TMEM217: variants seen among roughly 807,000 people sequenced by gnomAD.
The protein encoded by TMEM217 is transmembrane protein 217.
For missense variants in TMEM217, 204 were observed against 248.8 expected (o/e 0.82, Z 1.21); for synonymous variants, 76 against 88.3 (o/e 0.86, Z 0.78).
At chr6:37,256,508 T>C (rs1275108935) in intron 1 of TMEM217, among the ~76,000 whole-genome samples, 7 of 151,982 alleles carry the variant, frequency 4.6e-5, no homozygotes, top group Admixed American at 3.9e-4. Flanking sequence ...TAAATGCCCA[T>C]AAAGAAGATA....
chr6:37,245,799 T>C lies in TMEM217; in HGVS notation c.-12+11769A>G, dbSNP rs571344636. Among the ~76,000 whole-genome samples, 308 of 52,448 alleles carry C rather than the reference T, an allele frequency of 5.9e-3. 6 individuals are homozygous for C. In the Admixed American group the frequency reaches 0.065, roughly 11 times the overall value. 34.4% of individuals were successfully genotyped at this position (52,448 alleles called of 152,430 possible). A position where few individuals can be genotyped will look rare whatever the true frequency, so the allele number is the denominator to read the frequency against. On this transcript the variant is annotated intron_variant, in intron 1 of 1. Transcript: ENST00000357219. ...TTTTCTTTTCTTTTCTTTCTTTCTT[T>C]CTTTCTTTTTTTTTTTTGAGAGGGA...
At chr6:37,222,444 G>C (rs933760552) in intron 1 of TMEM217, among the ~76,000 whole-genome samples, 1 of 152,226 alleles carries the variant, frequency 6.6e-6, no homozygotes, top group Non-Finnish European at 1.5e-5. Flanking sequence ...GGGGAAGGGG[G>C]CCTCCTGGGG....
At chr6:37,253,574 G>C (rs771432971) in intron 1 of TMEM217, among the ~76,000 whole-genome samples, 4 of 152,122 alleles carry the variant, frequency 2.6e-5, no homozygotes, top group African/African-American at 4.8e-5. Context: ...TTAAATCCCA[G>C]CTTGACCTCA....
intron 1 of TMEM217, among the ~76,000 whole-genome samples, chr6:37,235,696 A>G (rs922702198): frequency 6.6e-6 from 1 of 152,136 alleles, no homozygotes; most frequent in African/African-American, 2.4e-5. Flanking sequence ...TGGAGGCTGG[A>G]AAGTCCAAGA....
At chr6:37,244,269 C>G (rs924681248) in intron 1 of TMEM217, among the ~76,000 whole-genome samples, 4 of 152,236 alleles carry the variant, frequency 2.6e-5, no homozygotes, top group Non-Finnish European at 5.9e-5. Context: ...AGGTTAGAAG[C>G]AAGAAGGAGT....
At chr6:37,244,080 C>T (rs1764936911) in intron 1 of TMEM217, among the ~76,000 whole-genome samples, 1 of 152,222 alleles carries the variant, frequency 6.6e-6, no homozygotes, top group Non-Finnish European at 1.5e-5. Context: ...TTAACTCCAC[C>T]TACATTTTAG....
At chr6:37,252,633 A>ATTTTT (rs1347062653) in intron 1 of TMEM217, among the ~76,000 whole-genome samples, 7 of 75,276 alleles carry the variant, frequency 9.3e-5, no homozygotes, top group African/African-American at 4.0e-4. Flanking sequence ...ATATATATAT[A>ATTTTT]TATATTTTTT....
chr6:37,233,380 CAG>C (rs1453623262), intron 1 of TMEM217, among the ~76,000 whole-genome samples: 1 of 152,150 alleles, frequency 6.6e-6, no homozygotes, highest in Non-Finnish European at 1.5e-5. Flanking sequence ...TTATAAACAA[CAG>C]AAATTTATTT....
At chr6:37,212,375 A>C (rs978432075) in exon 4 of TMEM217, 16 of 375,674 alleles carry the variant, frequency 4.3e-5, no homozygotes, top group African/African-American at 3.4e-4. Flanking sequence ...ATTGTTGAGG[A>C]ACACCATTCC....
chr6:37,213,959 A>G (rs7744585), downstream of TMEM217, among the ~76,000 whole-genome samples: 5,088 of 152,274 alleles, frequency 0.033, 279 homozygotes, highest in African/African-American at 0.11. Flanking sequence ...CGAATGTCCA[A>G]TGGGGGACAA....
intron 1 of TMEM217, among the ~76,000 whole-genome samples, chr6:37,253,691 T>C (rs1268447255): frequency 6.6e-6 from 1 of 152,192 alleles, no homozygotes; most frequent in Non-Finnish European, 1.5e-5. Context: ...TTCCTTCCAC[T>C]CCACTCCTTC....
At chr6:37,252,157 T>C (rs1192504690) in intron 1 of TMEM217, among the ~76,000 whole-genome samples, 2 of 152,228 alleles carry the variant, frequency 1.3e-5, no homozygotes, top group Non-Finnish European at 2.9e-5. Flanking sequence ...CCTCCCAAAG[T>C]GCTGGGATTA....
chr6:37,233,658 T>C (rs1764330690), intron 1 of TMEM217, among the ~76,000 whole-genome samples: 2 of 152,198 alleles, frequency 1.3e-5, no homozygotes, highest in South Asian at 4.1e-4. Context: ...GAGGGACATA[T>C]ACATTCTAAC....
intron 1 of TMEM217, among the ~76,000 whole-genome samples, chr6:37,226,850 G>A (rs1745438234): frequency 6.6e-6 from 1 of 152,144 alleles, no homozygotes; most frequent in Non-Finnish European, 1.5e-5. Context: ...ACAGGTGTGA[G>A]CCACGGCACC....
intron 1 of TMEM217, among the ~76,000 whole-genome samples, chr6:37,238,349 A>C (rs567345861): frequency 6.6e-6 from 1 of 152,338 alleles, no homozygotes; most frequent in South Asian, 2.1e-4. Context: ...GCTACTATTT[A>C]TTATGCATAT....
intron 1 of TMEM217, among the ~76,000 whole-genome samples, chr6:37,243,342 G>A (rs1215288198): frequency 6.6e-6 from 1 of 152,162 alleles, no homozygotes; most frequent in Non-Finnish European, 1.5e-5. Context: ...ACCAAGTCCT[G>A]AGAATGGATT....
downstream of TMEM217, chr6:37,215,434 G>A (rs977600260): frequency 9.9e-7 from 1 of 1,009,894 alleles, no homozygotes; most frequent in Non-Finnish European, 1.4e-6. Flanking sequence ...AATTAGCTGG[G>A]CATGGTGGCA....
In TMEM217 at chr6:37,242,356, G is replaced by A. The variant is rs114447138; in HGVS notation, c.-12+15212C>T. Reference sequence around the variant, plus strand: ...GAAATTCCACATGCTGTAGAAAGCTGGGAACCATTCTATTCACCCTCAACT... The same window carrying A: ...GAAATTCCACATGCTGTAGAAAGCTAGGAACCATTCTATTCACCCTCAACT... On this transcript the variant is annotated intron_variant, in intron 1 of 1. Coordinates refer to ENST00000357219, the Ensembl canonical transcript of TMEM217. Among the ~76,000 whole-genome samples, 1,232 of 152,284 alleles carry A rather than the reference G, an allele frequency of 8.1e-3. 13 individuals carry two copies. Among genetic ancestry groups the A allele is most frequent in the African/African-American group, 0.028 (1,155 of 41,554 alleles).
exon 2 of TMEM217, chr6:37,218,184 T>TG (rs1330872694): frequency 4.2e-5 from 50 of 1,186,190 alleles, no homozygotes; most frequent in African/African-American, 4.2e-4. Context: ...TTTTTTTTTT[T>TG]TGGGGGACAG....
Sources: allele counts gnomAD v4.1 joint callset (sites outside exome capture counted in the v4.1 genomes callset), GRCh38; gene constraint gnomAD v4.1.1; transcripts MANE v1.5; gene names NCBI Gene and HGNC (gene_info 2026-07-23, HGNC 2026-07-21).